Variants in MDGA1 observed in about 807,000 individuals in gnomAD.
The protein encoded by MDGA1 is MAM domain containing glycosylphosphatidylinositol anchor 1.
Under a neutral mutation model 101.5 loss-of-function variants are expected in MDGA1, and 54 were observed. The ratio of observed to expected loss-of-function variants is 0.53; its 90% CI spans 0.43 to 0.67. The LOEUF (loss-of-function observed/expected upper bound fraction) is 0.67, where lower values mean the gene tolerates loss of function less well. Among genes scored for constraint, MDGA1 ranks in the 30% least tolerant of loss-of-function variants. MDGA1 has a pLI of 0.00. For synonymous variants in MDGA1, 533 were observed against 558.3 expected (o/e 0.95, Z 0.64); for missense variants, 1,083 against 1,323.8 (o/e 0.82, Z 2.82).
chr6:37,674,571 T>C (rs983066539), intron 1 of MDGA1, among the ~76,000 whole-genome samples: 1 of 152,210 alleles, frequency 6.6e-6, no homozygotes, highest in African/African-American at 2.4e-5. Flanking sequence ...ACACAGGTAT[T>C]GAAAGTGGCA....
At chr6:37,689,581 AG>A (rs1762267398) in intron 1 of MDGA1, among the ~76,000 whole-genome samples, 1 of 151,986 alleles carries the variant, frequency 6.6e-6, no homozygotes, top group African/African-American at 2.4e-5. Context: ...CTTAGAAAGC[AG>A]ATGTAACTTC....
At chr6:37,675,044 G>A (rs192046639) in intron 1 of MDGA1, among the ~76,000 whole-genome samples, 127 of 152,286 alleles carry the variant, frequency 8.3e-4, no homozygotes, top group Middle Eastern at 6.8e-3. Flanking sequence ...GCGACAGAGA[G>A]AGACTACATC....
chr6:37,654,257 C>A lies in MDGA1; in HGVS notation c.982+17G>T, dbSNP rs376399363. ...CTGCCTCACAACTTCCCTCCCACCC[C>A]TTCTGAGGCCACGTACATCGCACCA... On this transcript the variant is annotated intron_variant, in intron 6 of 16. Coordinates refer to ENST00000434837, the MANE Select transcript of MDGA1 (RefSeq NM_153487.4). 2.6e-4 allele frequency: 390 copies of A among 1,523,840 alleles called. No homozygotes were observed. Among genetic ancestry groups the A allele is most frequent in the Non-Finnish European group, 3.2e-4 (363 of 1,135,746 alleles). The allele number at this position is 1,523,840 out of a possible 1,614,324, so 94.4% of individuals were successfully genotyped here.
chr6:37,664,866 C>G (rs1761711204), intron 1 of MDGA1, among the ~76,000 whole-genome samples: 1 of 122,910 alleles, frequency 8.1e-6, no homozygotes, highest in East Asian at 2.1e-4. Flanking sequence ...CACACACACA[C>G]ACACACACAC....
chr6:37,649,348 C>G, intron 8 of MDGA1, 82 bp from the exon 9 acceptor site: 17 of 1,404,008 alleles, frequency 1.2e-5, no homozygotes, highest in Non-Finnish European at 1.6e-5. Flanking sequence ...GCAACGCGCT[C>G]GCCTCTAATG....
Position 37,643,826 on chromosome 6 carries a change from A to C in MDGA1, c.2519T>G (p.Met840Arg). 6.2e-7 allele frequency: 1 copy of C among 1,613,940 alleles called. No individual in the cohort carries two copies. The highest frequency in any genetic ancestry group is 8.5e-7 in the Non-Finnish European group (1 of 1,179,856). Residue 840 changes from methionine to arginine, a missense_variant, in exon 14 of 17, where the codon ATG (methionine) becomes AGG (arginine). By Grantham distance (91) the Met-to-Arg change is moderately conservative. Transcript: ENST00000434837. The stretch of plus-strand genomic sequence containing the variant: ...CAACTCACCGATGTGTTTCCCGTAC[A>C]TGTGGTAGAAGAAGGAGACACAGTA... ...KFYCVSFFYHMYGKHIGSLNL... is the reference protein window; with the variant it reads ...KFYCVSFFYHRYGKHIGSLNL...
At chr6:37,648,628 G>C (rs1761272539) in intron 9 of MDGA1, 1 of 349,654 alleles carries the variant, frequency 2.9e-6, no homozygotes, top group Non-Finnish European at 5.2e-6. Context: ...CGGCGCGGTT[G>C]TCACACGCCC....
At position 37,664,049 on chromosome 6, in the gene MDGA1, T is replaced by A; in HGVS notation, c.125A>T (p.Asn42Ile). The change falls in exon 2 of 17, where the codon AAT (asparagine) becomes ATT (isoleucine). Residue 42 changes from asparagine (N) to isoleucine (I), a missense_variant. By Grantham distance (149) the Asn-to-Ile change is moderately radical (BLOSUM62 -3). This residue lies in a region of MDGA1 where 310 missense variants were observed against 355.9 expected (regional missense o/e 0.87). Coordinates refer to ENST00000434837, the MANE Select transcript of MDGA1 (RefSeq NM_153487.4). ...AGQACVVKED[N>I]ISERVYTIRE... ...GATGGTGTAGACACGCTCGCTGATA[T>A]TGTCCTCTTTCACCACACATGCCTG... 1 of 1,613,628 alleles carries A rather than the reference T, an allele frequency of 6.2e-7. No homozygotes were observed. The highest frequency in any genetic ancestry group is 2.2e-5 in the East Asian group (1 of 44,842).
At chr6:37,666,853 G>A (rs1458512944) in intron 1 of MDGA1, among the ~76,000 whole-genome samples, 2 of 152,146 alleles carry the variant, frequency 1.3e-5, no homozygotes, top group African/African-American at 4.8e-5. Flanking sequence ...CCAGGCCTCA[G>A]GGAACAGGGA....
chr6:37,673,181 G>T (rs1021496808), intron 1 of MDGA1, among the ~76,000 whole-genome samples: 1 of 152,028 alleles, frequency 6.6e-6, no homozygotes, highest in Admixed American at 6.6e-5. Context: ...CATGCTAACC[G>T]CCATGCATTT....
rs1243452471 is a variant in MDGA1, at chr6:37,652,047, C to T, written c.1276G>A (p.Asp426Asn). 9.3e-6 allele frequency: 15 copies of T among 1,608,910 alleles called. No individual in the cohort carries two copies. The highest frequency in any genetic ancestry group is 1.7e-5 in the Admixed American group (1 of 59,934). Reference protein sequence around the residue: ...MASFPGAPVPDLSVEVNISSE... With the variant: ...MASFPGAPVPNLSVEVNISSE... ...GAGATGTTGACCTCGACGCTGAGGT[C>T]GGGCACGGGTGCCCCTGGGAAAGAA... Residue 426 changes from aspartate (D) to asparagine (N), a missense_variant, in exon 7 of 17, where the codon GAC becomes AAC. Coordinates refer to ENST00000434837, the MANE Select transcript of MDGA1 (RefSeq NM_153487.4). The surrounding 1 kb of genome is among the most constrained non-coding windows in gnomAD (Gnocchi z 4.3).
Position 37,646,229 on chromosome 6 carries a change from G to A in MDGA1, c.2193C>T (p.Asp731=). 1.3e-6 allele frequency: 2 copies of A among 1,591,724 alleles called. No individual in the cohort carries two copies. The highest frequency in any genetic ancestry group is 2.3e-5 in the South Asian group (2 of 87,810). Residue 731 remains aspartate (D), a synonymous_variant, in exon 11 of 17, where the codon GAC becomes GAT. Transcript: ENST00000434837. ...TGTAGTGGATGATGCGGGAGGCCAT[G>A]TCACCAGCCCCGAAGGTGGTATAGG... ...LTPYTTFGAG[D]MASRIIHYTE... is the part of the protein sequence containing the mutation.
intron 1 of MDGA1, among the ~76,000 whole-genome samples, chr6:37,681,328 C>A (rs962085209): frequency 6.6e-5 from 10 of 152,274 alleles, no homozygotes; most frequent in South Asian, 6.2e-4. Context: ...CCCCTGCCCC[C>A]CCTCTTCAGG....
intron 1 of MDGA1, among the ~76,000 whole-genome samples, chr6:37,664,600 T>TACACACACACACACAC (rs61046567): frequency 0.066 from 7,764 of 118,054 alleles, 470 homozygotes; most frequent in Middle Eastern, 0.094. Flanking sequence ...TCCCCCACAA[T>TACACACACACACACAC]ACACACACAC....
At chr6:37,658,217 C>T in intron 3 of MDGA1, 28 bp downstream of exon 3, 2 of 1,539,744 alleles carry the variant, frequency 1.3e-6, no homozygotes, top group Non-Finnish European at 1.8e-6. Flanking sequence ...GCTGTCAGGG[C>T]CCGGGGAGAG....
At chr6:37,641,285 G>A (rs1259769808) in intron 14 of MDGA1, among the ~76,000 whole-genome samples, 1 of 152,228 alleles carries the variant, frequency 6.6e-6, no homozygotes, top group Non-Finnish European at 1.5e-5. Context: ...GGAAATGCCA[G>A]CCAACGGGCA....
chr6:37,638,690 G>A lies in MDGA1; in HGVS notation c.2537-23C>T, dbSNP rs749362509. The stretch of plus-strand genomic sequence containing the variant: ...AGCCTGCGGTGGGTGTGAAGACAGT[G>A]GGCAGTGAGATCTGGCCAGGGCACC... On this transcript the variant is annotated intron_variant, in intron 14 of 16. Transcript: ENST00000434837. The surrounding 1 kb of genome is among the most constrained non-coding windows in gnomAD (Gnocchi z 4.8). 3 of 1,603,732 alleles carry A rather than the reference G, an allele frequency of 1.9e-6. No homozygotes were observed. Among genetic ancestry groups the A allele is most frequent in the South Asian group, 2.2e-5 (2 of 89,752 alleles).
intron 3 of MDGA1, among the ~76,000 whole-genome samples, chr6:37,656,227 G>A (rs1478750638): frequency 1.3e-5 from 2 of 151,464 alleles, no homozygotes; most frequent in African/African-American, 4.9e-5. Flanking sequence ...ACAGGCATAT[G>A]CCACCATGCC....
Position 37,650,387 on chromosome 6 carries a change from A to T in MDGA1, c.1331T>A (p.Val444Glu). The T allele has an allele frequency of 2.6e-6, 4 of 1,555,794 alleles. No individual in the cohort carries two copies. The highest frequency in any genetic ancestry group is 3.5e-6 in the Non-Finnish European group (4 of 1,148,674). Reference protein sequence around the residue: ...SSETVPPTISVPKGRAVVTVR... With the variant: ...SSETVPPTISEPKGRAVVTVR... ...GGTCACCACGGCCCTACCCTTGGGC[A>T]CACTGATGGTGGGCGGCACTGTGGG... The change falls in exon 8 of 17, where the codon GTG becomes GAG. Residue 444 changes from valine (V) to glutamate (E), a missense_variant. Around this residue, in one of 3 missense-constraint regions of MDGA1, gnomAD observed 657 missense variants for 771.4 expected, o/e 0.85. Coordinates refer to ENST00000434837, the MANE Select transcript of MDGA1 (RefSeq NM_153487.4).
Sources: allele counts gnomAD v4.1 joint callset (sites outside exome capture counted in the v4.1 genomes callset), GRCh38; gene constraint gnomAD v4.1.1; regional missense constraint gnomAD v4.1.1; non-coding constraint Gnocchi (gnomAD v3.1); transcripts MANE v1.5; gene names NCBI Gene and HGNC (gene_info 2026-07-23, HGNC 2026-07-21).